Variants in NAALADL2 observed in about 807,000 individuals in gnomAD.
The protein encoded by NAALADL2 is N-acetylated alpha-linked acidic dipeptidase like 2.
Under a neutral mutation model 87.2 loss-of-function variants are expected in NAALADL2, and 76 were observed. The observed-to-expected ratio is 0.87, with a 90% CI of 0.72 to 1.05. The LOEUF (loss-of-function observed/expected upper bound fraction) is 1.05. Among genes scored for constraint, NAALADL2 ranks in the 50% least tolerant of loss-of-function variants. The pLI, the probability that NAALADL2 is intolerant of heterozygous loss-of-function variation, is 0.00. For missense variants in NAALADL2, 1,089 were observed against 945.8 expected, an observed-to-expected ratio of 1.15 and a Z score of -1.99; for synonymous variants, 354 against 331.0, an observed-to-expected ratio of 1.07 and a Z score of -0.75.
chr3:175,484,370 A>G (rs1237606098), intron 9 of NAALADL2, among the ~76,000 whole-genome samples: 2 of 152,180 alleles, frequency 1.3e-5, no homozygotes, highest in South Asian at 2.1e-4. Flanking sequence ...AACATAAATC[A>G]TGTTTACAAG....
chr3:175,118,420 G>A (rs1377438853), intron 2 of NAALADL2, among the ~76,000 whole-genome samples: 1 of 151,306 alleles, frequency 6.6e-6, no homozygotes, highest in East Asian at 1.9e-4. Flanking sequence ...ATTAAATAAA[G>A]CATAAAAATA....
chr3:175,642,025 A>G (rs912615889), intron 11 of NAALADL2, among the ~76,000 whole-genome samples: 1 of 152,172 alleles, frequency 6.6e-6, no homozygotes, highest in African/African-American at 2.4e-5. Context: ...TTGCCGTATG[A>G]CCACAATCCA....
chr3:175,032,634 T>C (rs966554458), intron 1 of NAALADL2, among the ~76,000 whole-genome samples: 2 of 152,090 alleles, frequency 1.3e-5, no homozygotes, highest in African/African-American at 4.8e-5. Flanking sequence ...CTTTCCCAGA[T>C]GTTTGCATGT....
chr3:175,753,340 G>T (rs1355975145), intron 12 of NAALADL2, among the ~76,000 whole-genome samples: 1 of 151,966 alleles, frequency 6.6e-6, no homozygotes, highest in East Asian at 1.9e-4. Flanking sequence ...TCTCTTTGTA[G>T]CCCTTATAAA....
intron 1 of NAALADL2, among the ~76,000 whole-genome samples, chr3:174,516,664 G>C (rs1429644983): frequency 6.6e-6 from 1 of 151,938 alleles, no homozygotes; most frequent in African/African-American, 2.4e-5. Context: ...AAATTGATCT[G>C]TATACTCTTG....
chr3:174,670,132 T>C (rs1228330765), intron 2 of NAALADL2, among the ~76,000 whole-genome samples: 1 of 152,054 alleles, frequency 6.6e-6, no homozygotes, highest in Non-Finnish European at 1.5e-5. Context: ...CTAACAGTTT[T>C]TTTTGTGGAA....
At chr3:175,546,869 C>A (rs1310120539) in intron 9 of NAALADL2, among the ~76,000 whole-genome samples, 6 of 151,832 alleles carry the variant, frequency 4.0e-5, no homozygotes, top group African/African-American at 1.5e-4. Context: ...TAGGGAGGTG[C>A]AGTATATCTA....
chr3:175,615,661 C>G (rs1452150286), intron 10 of NAALADL2, among the ~76,000 whole-genome samples: 1 of 151,776 alleles, frequency 6.6e-6, no homozygotes, highest in Non-Finnish European at 1.5e-5. Context: ...AGTTCAAGGC[C>G]AGCCTGACCA....
intron 2 of NAALADL2, among the ~76,000 whole-genome samples, chr3:174,703,627 C>A (rs1230084208): frequency 1.3e-5 from 2 of 152,030 alleles, no homozygotes; most frequent in African/African-American, 2.4e-5. Flanking sequence ...ATCATCATCA[C>A]CTATAAATGC....
At chr3:174,493,825 A>G (rs1278858414) in intron 1 of NAALADL2, among the ~76,000 whole-genome samples, 2 of 152,208 alleles carry the variant, frequency 1.3e-5, no homozygotes, top group Non-Finnish European at 2.9e-5. Flanking sequence ...AATAAATTTA[A>G]TGTAGTCTAT....
At position 175,117,660 on chromosome 3, in the gene NAALADL2, T is replaced by G. The variant is rs1176834105; in HGVS notation, c.545+20369T>G. Among the ~76,000 whole-genome samples the G allele has an allele frequency of 1.1e-4, 17 of 151,172 alleles. No homozygotes were observed. The South Asian group carries it at 3.2e-3, about 28-fold the overall frequency. On this transcript the variant is annotated intron_variant, in intron 2 of 13. Transcript: ENST00000454872. ...TGGAGAAATAGGAACACTTTTACAC[T>G]GTTGGTGGGACTGTAAACTAGTTCA...
intron 5 of NAALADL2, among the ~76,000 whole-genome samples, chr3:175,409,850 A>G (rs1252092198): frequency 1.3e-5 from 2 of 152,090 alleles, no homozygotes; most frequent in East Asian, 3.8e-4. Flanking sequence ...AACCTTTATC[A>G]GGAAAGTTCA....
chr3:174,963,308 A>G (rs1366013137), intron 1 of NAALADL2, among the ~76,000 whole-genome samples: 2 of 152,134 alleles, frequency 1.3e-5, no homozygotes, highest in African/African-American at 4.8e-5. Context: ...TACTATAAAT[A>G]CTTTAGTAAC....
intron 1 of NAALADL2, among the ~76,000 whole-genome samples, chr3:174,950,515 C>T (rs1457420922): frequency 1.3e-5 from 2 of 152,070 alleles, no homozygotes; most frequent in East Asian, 1.9e-4. Context: ...CAAGTGAGCA[C>T]TATTTTTCTA....
At chr3:175,535,222 C>A (rs937584946) in intron 9 of NAALADL2, among the ~76,000 whole-genome samples, 29 of 152,152 alleles carry the variant, frequency 1.9e-4, no homozygotes, top group Admixed American at 4.6e-4. Flanking sequence ...GTTACAAAAG[C>A]AGAGACCTTG....
intron 13 of NAALADL2, among the ~76,000 whole-genome samples, chr3:175,792,685 AAAG>A (rs1752940312): frequency 6.6e-6 from 1 of 152,240 alleles, no homozygotes; most frequent in African/African-American, 2.4e-5. Flanking sequence ...ATTTGATTGA[AAAG>A]AACACAAAGC....
chr3:174,978,754 T>A (rs1258480437), intron 1 of NAALADL2, among the ~76,000 whole-genome samples: 1 of 152,238 alleles, frequency 6.6e-6, no homozygotes, highest in Non-Finnish European at 1.5e-5. Context: ...CGTCCTAGAA[T>A]ATTGTTAAAA....
At chr3:175,592,023 G>A (rs1317717651) in intron 10 of NAALADL2, among the ~76,000 whole-genome samples, 2 of 151,934 alleles carry the variant, frequency 1.3e-5, no homozygotes, top group Non-Finnish European at 2.9e-5. Context: ...AGTCTGCAAA[G>A]CACTGTACTT....
chr3:175,638,134 C>T (rs939031240), intron 11 of NAALADL2, among the ~76,000 whole-genome samples: 2 of 152,032 alleles, frequency 1.3e-5, no homozygotes, highest in African/African-American at 2.4e-5. Context: ...GTTATTACCT[C>T]GAATCATAAG....
Sources: allele counts gnomAD v4.1 joint callset (sites outside exome capture counted in the v4.1 genomes callset), GRCh38; gene constraint gnomAD v4.1.1; transcripts MANE v1.5; gene names NCBI Gene and HGNC (gene_info 2026-07-23, HGNC 2026-07-21).